The following COPG2 variants were observed in gnomAD, a reference collection of about 807,000 sequenced individuals.
COPG2 encodes coat protein complex I subunit gamma 2.
COPG2 carries 37 observed loss-of-function variants against 46.3 expected under a neutral mutation model. The ratio of observed to expected loss-of-function variants is 0.80; its 90% confidence interval spans 0.61 to 1.05. The LOEUF (loss-of-function observed/expected upper bound fraction) is 1.05, where lower values mean the gene tolerates loss of function less well. COPG2 is among the 50% of genes least tolerant of loss of function. The pLI, the probability that COPG2 is intolerant of heterozygous loss-of-function variation, is 0.00. For synonymous variants in COPG2, 159 were observed against 129.7 expected (o/e 1.23, Z -1.53); for missense variants, 427 against 387.8 (o/e 1.10, Z -0.85).
intron 9 of COPG2, among the ~76,000 whole-genome samples, chr7:130,606,443 T>C (rs750893456): frequency 6.6e-6 from 1 of 152,210 alleles, no homozygotes; most frequent in Admixed American, 6.5e-5. Flanking sequence ...ACTTAAAAGA[T>C]GCTGTAGTGA....
intron 20 of COPG2, among the ~76,000 whole-genome samples, chr7:130,523,529 AG>A (rs1799745345): frequency 6.6e-6 from 1 of 152,132 alleles, no homozygotes; most frequent in Non-Finnish European, 1.5e-5. Flanking sequence ...GGGCTGATGG[AG>A]GCCATCAGGG....
intron 11 of COPG2, among the ~76,000 whole-genome samples, chr7:130,562,138 C>G (rs924235428): frequency 6.6e-6 from 1 of 152,178 alleles, no homozygotes; most frequent in Admixed American, 6.5e-5. Context: ...GTGGGCAGAT[C>G]ACCTGAGGTC....
chr7:130,586,665 T>C (rs1317483281), intron 9 of COPG2, among the ~76,000 whole-genome samples: 3 of 151,942 alleles, frequency 2.0e-5, no homozygotes, highest in East Asian at 1.9e-4. Flanking sequence ...CATTTTACCA[T>C]GTTAGCCAGG....
At chr7:130,520,622 G>A (rs1799716121) in intron 20 of COPG2, among the ~76,000 whole-genome samples, 1 of 152,160 alleles carries the variant, frequency 6.6e-6, no homozygotes, top group African/African-American at 2.4e-5. Flanking sequence ...GCATATTTTT[G>A]CCGTGGTTCT....
rs1554459340 is a variant in COPG2, at chr7:130,652,965, A to G, written c.244-17T>C. 6.6e-7 allele frequency: 1 copy of G among 1,515,764 alleles called. No individual in the cohort carries two copies. The highest frequency in any genetic ancestry group is 9.1e-7 in the Non-Finnish European group (1 of 1,100,004). 93.9% of individuals were successfully genotyped at this position (1,515,764 alleles called of 1,614,324 possible). A position where few individuals can be genotyped will look rare whatever the true frequency, so the allele number is the denominator to read the frequency against. On this transcript the variant is annotated splice_polypyrimidine_tract_variant and intron_variant, in intron 4 of 23. Coordinates refer to ENST00000425248, the MANE Select transcript of COPG2 (RefSeq NM_012133.6). ...CAATGTTTGCTGAAAAATCATTTAT[A>G]AAAGGTAACAGATTATTGATTAGGA...
intron 20 of COPG2, among the ~76,000 whole-genome samples, chr7:130,513,602 T>C (rs907806914): frequency 1.3e-5 from 2 of 151,948 alleles, no homozygotes; most frequent in Admixed American, 1.3e-4. Flanking sequence ...TGGGAATCTT[T>C]GCTTGAATGA....
At chr7:130,649,074 C>T (rs1451349663) in intron 5 of COPG2, among the ~76,000 whole-genome samples, 4 of 152,174 alleles carry the variant, frequency 2.6e-5, no homozygotes, top group African/African-American at 9.7e-5. Context: ...ACAAGAGGCT[C>T]CTCCACAGAT....
chr7:130,555,841 A>G (rs1793614775), intron 12 of COPG2, among the ~76,000 whole-genome samples: 1 of 152,064 alleles, frequency 6.6e-6, no homozygotes, highest in Admixed American at 6.6e-5. Flanking sequence ...AAAAATAAAT[A>G]AAATAAAATA....
At chr7:130,607,939 T>G (rs1243797398) in intron 9 of COPG2, among the ~76,000 whole-genome samples, 1 of 152,192 alleles carries the variant, frequency 6.6e-6, no homozygotes, top group Non-Finnish European at 1.5e-5. Context: ...CCCAATATTT[T>G]CATACTGTTG....
At chr7:130,658,186 T>C (rs1795894115) in intron 4 of COPG2, among the ~76,000 whole-genome samples, 1 of 152,208 alleles carries the variant, frequency 6.6e-6, no homozygotes, top group Non-Finnish European at 1.5e-5. Context: ...GGTACATCCA[T>C]TCAATGGAAT....
intron 21 of COPG2, chr7:130,508,334 G>T: frequency 4.8e-6 from 2 of 413,854 alleles, no homozygotes; most frequent in South Asian, 1.3e-4. Context: ...GAAAAAAAAG[G>T]GTGAGTTTGT....
intron 3 of COPG2, among the ~76,000 whole-genome samples, chr7:130,666,447 T>A (rs1244119751): frequency 2.0e-5 from 3 of 152,156 alleles, no homozygotes; most frequent in Non-Finnish European, 4.4e-5. Context: ...AGGTTAAACA[T>A]CTCTAATCTC....
intron 20 of COPG2, among the ~76,000 whole-genome samples, chr7:130,534,989 CG>C (rs1277280056): frequency 6.6e-5 from 10 of 152,116 alleles, no homozygotes; most frequent in South Asian, 4.2e-4. Flanking sequence ...AAAAGGCAGC[CG>C]TAAGGGAAGG....
chr7:130,567,331 A>G (rs886162429), intron 9 of COPG2, among the ~76,000 whole-genome samples: 1 of 152,208 alleles, frequency 6.6e-6, no homozygotes, highest in African/African-American at 2.4e-5. Flanking sequence ...GACCAAACCT[A>G]AGAATAACTG....
At chr7:130,576,995 A>G (rs544887028) in intron 9 of COPG2, among the ~76,000 whole-genome samples, 8 of 152,240 alleles carry the variant, frequency 5.3e-5, no homozygotes, top group Non-Finnish European at 7.3e-5. Flanking sequence ...CTTTACACAC[A>G]TAAACTAGAA....
chr7:130,625,083 T>C (rs1343911032), intron 5 of COPG2, among the ~76,000 whole-genome samples: 3 of 152,230 alleles, frequency 2.0e-5, no homozygotes, highest in Admixed American at 6.5e-5. Flanking sequence ...CTATTGTTTT[T>C]TGACTTTTTA....
At chr7:130,538,163 C>G (rs1009870727) in intron 20 of COPG2, among the ~76,000 whole-genome samples, 1 of 151,930 alleles carries the variant, frequency 6.6e-6, no homozygotes, top group African/African-American at 2.4e-5. Flanking sequence ...AGACAGGGCA[C>G]GCAGGACTGG....
intron 5 of COPG2, among the ~76,000 whole-genome samples, chr7:130,644,836 C>G (rs1554457862): frequency 6.6e-6 from 1 of 151,980 alleles, no homozygotes; most frequent in Non-Finnish European, 1.5e-5. Context: ...CCGAGGCAGG[C>G]AGATCACCTG....
chr7:130,636,289 TACTG>T (rs1795335526), intron 5 of COPG2, among the ~76,000 whole-genome samples: 1 of 152,182 alleles, frequency 6.6e-6, no homozygotes, highest in African/African-American at 2.4e-5. Flanking sequence ...ATCTGTCTAA[TACTG>T]ACAGTGGGGT....
Sources: gnomAD v4.1 joint callset for allele counts (sites outside exome capture counted in the v4.1 genomes callset) on GRCh38, gnomAD v4.1.1 for gene constraint, MANE v1.5 for transcripts, NCBI Gene and HGNC (gene_info 2026-07-23, HGNC 2026-07-21) for gene names.